The following PTPRK variants were observed in gnomAD, a reference collection of about 807,000 sequenced individuals.
The protein encoded by PTPRK is protein tyrosine phosphatase receptor type K, also known as receptor-type tyrosine-protein phosphatase kappa.
PTPRK carries 75 observed loss-of-function variants against 178.0 expected under a neutral mutation model. The observed-to-expected ratio is 0.42, with a 90% CI of 0.35 to 0.51. The LOEUF (loss-of-function observed/expected upper bound fraction) is 0.51, where lower values mean the gene tolerates loss of function less well. Among genes scored for constraint, PTPRK ranks in the 20% least tolerant of loss-of-function variants. The pLI is 0.02. For synonymous variants in PTPRK, 637 were observed against 620.6 expected (o/e 1.03, Z -0.39); for missense variants, 1,441 against 1,797.8 (o/e 0.80, Z 3.59).
In PTPRK at chr6:128,084,304, A is replaced by G. The variant is rs557403133; in HGVS notation, c.1466-480T>C. Among the ~76,000 whole-genome samples, 149 of 152,308 alleles carry G rather than the reference A, an allele frequency of 9.8e-4. 3 individuals carry two copies. In the South Asian group the frequency reaches 0.013, roughly 13 times the overall value. On this transcript the variant is annotated intron_variant, in intron 8 of 29. Coordinates refer to ENST00000368226, the MANE Select transcript of PTPRK (RefSeq NM_002844.4). ...TCTTTGGTCTGGAAAGCCGAATCAC[A>G]TAGCAAAATGAATTGAAATGTCCAT...
At chr6:128,435,126 A>AAGGC (rs775750807) in intron 1 of PTPRK, among the ~76,000 whole-genome samples, 253 of 79,262 alleles carry the variant, frequency 3.2e-3, no homozygotes, top group East Asian at 7.6e-3. Context: ...GGCAGGCAGG[A>AAGGC]AGGCAGGCAG....
At chr6:128,024,968 A>C (rs1774071491) in intron 13 of PTPRK, among the ~76,000 whole-genome samples, 2 of 151,878 alleles carry the variant, frequency 1.3e-5, no homozygotes, top group African/African-American at 2.4e-5. Flanking sequence ...AGAGAATAGA[A>C]TGTAAATTGT....
chr6:128,062,213 C>A, intron 13 of PTPRK: 1 of 159,284 alleles, frequency 6.3e-6, no homozygotes. Flanking sequence ...CTTTTCTTTT[C>A]TTTTTTTTTT....
At chr6:128,267,177 T>G (rs1052207368) in intron 3 of PTPRK, among the ~76,000 whole-genome samples, 1 of 151,958 alleles carries the variant, frequency 6.6e-6, no homozygotes, top group African/African-American at 2.4e-5. Flanking sequence ...GAAAAAAGAA[T>G]AAAGTCTGTG....
chr6:128,330,744 C>A (rs937581282), intron 2 of PTPRK, among the ~76,000 whole-genome samples: 11 of 152,010 alleles, frequency 7.2e-5, no homozygotes, highest in South Asian at 4.2e-4. Context: ...TTAGCCCCAC[C>A]CCTCAGCTTC....
In PTPRK at chr6:128,233,663, C is replaced by T. The variant is rs143372298; in HGVS notation, c.693+6372G>A. 7.1e-3 allele frequency among the ~76,000 whole-genome samples: 1,082 copies of T among 152,292 alleles called. 6 individuals carry two copies. Among genetic ancestry groups the T allele is most frequent in the South Asian group, 0.025 (121 of 4,824 alleles). ...ATGATGAGCCTCACCAAGGGCGAAG[C>T]GGTGGCTGACTCTCCTGTTTTGGCA... On this transcript the variant is annotated intron_variant, in intron 5 of 29. Transcript: ENST00000368226.
At chr6:127,998,289 C>T (rs947380799) in intron 16 of PTPRK, among the ~76,000 whole-genome samples, 61 of 151,826 alleles carry the variant, frequency 4.0e-4, no homozygotes, top group African/African-American at 1.5e-3. Flanking sequence ...ATTTAGAGCA[C>T]AAAGCTTCAT....
chr6:128,418,030 C>T (rs893675998), intron 1 of PTPRK, among the ~76,000 whole-genome samples: 1 of 152,198 alleles, frequency 6.6e-6, no homozygotes, highest in African/African-American at 2.4e-5. Flanking sequence ...ATTTTAGATG[C>T]AAAGATGGAC....
At chr6:128,193,279 T>TAAAAAAAAAAAAAAAAAAAAAAAAAAA (rs1554338433) in intron 6 of PTPRK, among the ~76,000 whole-genome samples, 1 of 19,394 alleles carries the variant, frequency 5.2e-5, no homozygotes, top group African/African-American at 1.6e-4. Flanking sequence ...ATCCAGCTTG[T>TAAAAAAAAAAAAAAAAAAAAAAAAAAA]GAAAAAAAAA....
intron 3 of PTPRK, among the ~76,000 whole-genome samples, chr6:128,249,441 A>G (rs957837490): frequency 2.0e-5 from 3 of 152,150 alleles, no homozygotes; most frequent in Non-Finnish European, 2.9e-5. Context: ...TCATTTGATG[A>G]TAAGCAAGTT....
At chr6:128,423,406 G>A (rs1451115215) in intron 1 of PTPRK, among the ~76,000 whole-genome samples, 1 of 151,922 alleles carries the variant, frequency 6.6e-6, no homozygotes. Context: ...TTTTGTTTTA[G>A]GTTCTATGTG....
chr6:128,435,990 GA>G (rs530420079), intron 1 of PTPRK, among the ~76,000 whole-genome samples: 10,182 of 131,366 alleles, frequency 0.078, 540 homozygotes, highest in African/African-American at 0.18. Context: ...TGAGAAAGAG[GA>G]AAAAAAAAAT....
At chr6:128,097,479 A>G (rs1045214019) in intron 7 of PTPRK, among the ~76,000 whole-genome samples, 1 of 152,182 alleles carries the variant, frequency 6.6e-6, no homozygotes, top group Non-Finnish European at 1.5e-5. Context: ...GTACTACCCA[A>G]GTGACATGGA....
intron 2 of PTPRK, among the ~76,000 whole-genome samples, chr6:128,341,781 A>G (rs1325607734): frequency 1.3e-5 from 2 of 152,250 alleles, no homozygotes; most frequent in Non-Finnish European, 2.9e-5. Flanking sequence ...CAACTAGAAC[A>G]GCAACGTAGG....
chr6:128,230,396 A>T (rs1812097419), intron 5 of PTPRK, among the ~76,000 whole-genome samples: 1 of 152,182 alleles, frequency 6.6e-6, no homozygotes. Flanking sequence ...AAAAAACTAC[A>T]AGGGTTAAAA....
chr6:128,021,829 T>C (rs79873367), intron 13 of PTPRK, among the ~76,000 whole-genome samples: 2,344 of 152,286 alleles, frequency 0.015, 46 homozygotes, highest in African/African-American at 0.05. Context: ...CACCAATGTA[T>C]AGAGTTGGGG....
chr6:128,113,757 C>T (rs1422950848), intron 7 of PTPRK, among the ~76,000 whole-genome samples: 1 of 151,988 alleles, frequency 6.6e-6, no homozygotes, highest in Admixed American at 6.6e-5. Context: ...ATTTTCAAAT[C>T]CCAGTAAACA....
At chr6:128,423,869 A>G (rs905021873) in intron 1 of PTPRK, among the ~76,000 whole-genome samples, 1 of 151,992 alleles carries the variant, frequency 6.6e-6, no homozygotes, top group African/African-American at 2.4e-5. Context: ...AAAATAAAAA[A>G]TAACATGGAT....
Position 128,074,327 on chromosome 6 carries a change from A to G in PTPRK, c.1883+4486T>C, listed in dbSNP as rs529819027. On this transcript the variant is annotated intron_variant, in intron 11 of 29. Transcript: ENST00000368226. ...TACAATAAACAGTCTCACCACAGAG[A>G]AACTATTTTGTGTTTTTACAACATG... Among the ~76,000 whole-genome samples, 56 of 152,162 alleles carry G rather than the reference A, an allele frequency of 3.7e-4. 1 individual carries two copies. The South Asian group carries it at 0.011, about 31-fold the overall frequency.
Sources: gnomAD v4.1 joint callset for allele counts (sites outside exome capture counted in the v4.1 genomes callset) on GRCh38, gnomAD v4.1.1 for gene constraint, MANE v1.5 for transcripts, NCBI Gene and HGNC (gene_info 2026-07-23, HGNC 2026-07-21) for gene names.